The following CCDC141 variants were observed in gnomAD, a reference collection of about 807,000 sequenced individuals.
CCDC141 encodes coiled-coil domain-containing protein 141.
A neutral mutation model predicts 181.0 loss-of-function variants in CCDC141; 168 were observed. That is an observed-to-expected ratio of 0.93 (90% confidence interval 0.82 to 1.05). CCDC141 has a LOEUF of 1.05. Among genes scored for constraint, CCDC141 ranks in the 50% least tolerant of loss-of-function variants. The probability of loss-of-function intolerance (pLI) is 0.00; values close to 1 mark genes in which losing one functional copy is unlikely to be tolerated. For missense variants in CCDC141, 1,902 were observed against 1,788.5 expected, an observed-to-expected ratio of 1.06 and a Z score of -1.14; for synonymous variants, 666 against 642.3, an observed-to-expected ratio of 1.04 and a Z score of -0.56.
At chr2:179,014,848 T>C (rs1001919759) in intron 2 of CCDC141, among the ~76,000 whole-genome samples, 3 of 151,776 alleles carry the variant, frequency 2.0e-5, no homozygotes, top group African/African-American at 7.3e-5. Context: ...ACAACCACTA[T>C]GGAAAACAGT....
At chr2:179,002,573 A>G (rs2042015870) in intron 2 of CCDC141, 1 of 297,594 alleles carries the variant, frequency 3.4e-6, no homozygotes, top group Admixed American at 4.4e-5. Flanking sequence ...AACACACCCA[A>G]GATTCAGCAT....
At chr2:179,034,833 A>G (rs1426694303) in intron 2 of CCDC141, among the ~76,000 whole-genome samples, 3 of 152,186 alleles carry the variant, frequency 2.0e-5, no homozygotes, top group Non-Finnish European at 4.4e-5. Context: ...TTTACTGGAA[A>G]TGTATTTCTC....
At chr2:178,943,400 A>T (rs1293007250) in intron 6 of CCDC141, among the ~76,000 whole-genome samples, 1 of 152,192 alleles carries the variant, frequency 6.6e-6, no homozygotes, top group Non-Finnish European at 1.5e-5. Context: ...GAGTGTTCAA[A>T]CAGAAGCAAG....
rs779679443 is a variant in CCDC141 at position 178,856,301 on chromosome 2, T to G, written c.2821A>C (p.Lys941Gln). ...NEKSRNLKAL[K>Q]YQIQQVDMYA... is the part of the protein sequence containing the mutation. ...ATATCAACTTGCTGAATTTGATATTTAAGCGCCTTCAGATTCCGAGATTTT... is the reference window on the plus strand; with the variant it reads ...ATATCAACTTGCTGAATTTGATATTGAAGCGCCTTCAGATTCCGAGATTTT... Residue 941 changes from lysine to glutamine, a missense_variant, in exon 18 of 24, where the codon AAA becomes CAA. Lys to Gln is a moderately conservative substitution (Grantham distance 53, BLOSUM62 1). Transcript: ENST00000443758. 5.0e-6 allele frequency: 8 copies of G among 1,610,820 alleles called. No individual in the cohort carries two copies. The African/African-American group carries it at 1.1e-4, about 22-fold the overall frequency.
intron 22 of CCDC141, among the ~76,000 whole-genome samples, chr2:178,840,030 A>T (rs750364911): frequency 2.6e-5 from 4 of 152,194 alleles, no homozygotes; most frequent in Non-Finnish European, 5.9e-5. Context: ...ATATCTTCCT[A>T]TATGTAGCAA....
At chr2:179,041,347 G>A (rs753514029) in intron 2 of CCDC141, among the ~76,000 whole-genome samples, 8 of 151,784 alleles carry the variant, frequency 5.3e-5, no homozygotes, top group Middle Eastern at 3.4e-3. Flanking sequence ...GTATGAGATG[G>A]TATCTCATTG....
chr2:178,863,627 T>C (rs1685714872), intron 17 of CCDC141, among the ~76,000 whole-genome samples: 1 of 152,144 alleles, frequency 6.6e-6, no homozygotes, highest in Admixed American at 6.5e-5. Context: ...ACACGGAAAA[T>C]ATTCCTTCTG....
chr2:178,869,613 A>G (rs1686018597), intron 14 of CCDC141, among the ~76,000 whole-genome samples: 2 of 152,230 alleles, frequency 1.3e-5, no homozygotes, highest in East Asian at 1.9e-4. Flanking sequence ...TGTTAAGTAA[A>G]TGTATTTTAG....
chr2:178,865,675 G>T lies in CCDC141; in HGVS notation c.2724+92C>A. 9 of 1,173,098 alleles carry T rather than the reference G, an allele frequency of 7.7e-6. No individual in the cohort carries two copies. The South Asian group carries it at 2.3e-4, about 31-fold the overall frequency. The allele number at this position is 1,173,098 out of a possible 1,614,324, so 72.7% of individuals were successfully genotyped here. A position where few individuals can be genotyped will look rare whatever the true frequency, so the allele number is the denominator to read the frequency against. ...ATTCATTGTGTGTTTGCATGTGTGT[G>T]GGAGTGTGCACAAATGTGGACATTT... On this transcript the variant is annotated intron_variant, in intron 17 of 23. Transcript: ENST00000443758.
intron 2 of CCDC141, among the ~76,000 whole-genome samples, chr2:178,999,816 C>T (rs950391659): frequency 6.6e-6 from 1 of 152,058 alleles, no homozygotes; most frequent in African/African-American, 2.4e-5. Flanking sequence ...CTTCGCAACA[C>T]TATTCAGAAG....
intron 8 of CCDC141, among the ~76,000 whole-genome samples, chr2:178,894,591 C>T (rs968593663): frequency 6.6e-6 from 1 of 150,922 alleles, no homozygotes; most frequent in African/African-American, 2.4e-5. Flanking sequence ...ATTAGACACA[C>T]AAAAAAATTA....
intron 2 of CCDC141, among the ~76,000 whole-genome samples, chr2:178,990,575 G>A (rs911270830): frequency 2.4e-5 from 3 of 125,392 alleles, no homozygotes; most frequent in Non-Finnish European, 3.5e-5. Context: ...AAAGAGAAGG[G>A]GAGGGGAGTG....
At chr2:178,903,662 C>T (rs1445412665) in intron 8 of CCDC141, among the ~76,000 whole-genome samples, 1 of 150,380 alleles carries the variant, frequency 6.6e-6, no homozygotes, top group Admixed American at 6.6e-5. Flanking sequence ...TGCTAAATGA[C>T]GAGTTAATGG....
downstream of CCDC141, chr2:178,825,424 A>G (rs2154364765): frequency 6.6e-6 from 1 of 152,270 alleles, no homozygotes; most frequent in South Asian, 2.1e-4. Flanking sequence ...TATTTTGATC[A>G]TGTTATTATT....
intron 2 of CCDC141, among the ~76,000 whole-genome samples, chr2:179,032,112 C>T (rs1191093029): frequency 6.6e-6 from 1 of 152,046 alleles, no homozygotes; most frequent in Non-Finnish European, 1.5e-5. Flanking sequence ...AAATTTGTAC[C>T]CTGGAAACCC....
intron 4 of CCDC141, among the ~76,000 whole-genome samples, chr2:178,973,061 C>T (rs1221677725): frequency 1.3e-5 from 2 of 152,148 alleles, no homozygotes; most frequent in South Asian, 2.1e-4. Context: ...CACTTATAGA[C>T]ATATTTTATT....
rs901292962 is a variant in CCDC141 at position 178,840,751 on chromosome 2, G to A, written c.3475-3007C>T. ...AGCCATCCAGCTTTAACTGGTTCCT[G>A]ACTCCTGTATCTTACTTTCAGCTGG... On this transcript the variant is annotated intron_variant, in intron 22 of 23. Transcript: ENST00000443758. 3.3e-5 allele frequency among the ~76,000 whole-genome samples: 5 copies of A among 152,194 alleles called. No individual in the cohort carries two copies. In the South Asian group the frequency reaches 1.0e-3, roughly 32 times the overall value.
chr2:178,991,940 T>C (rs1298557215), intron 2 of CCDC141, among the ~76,000 whole-genome samples: 1 of 152,052 alleles, frequency 6.6e-6, no homozygotes, highest in African/African-American at 2.4e-5. Flanking sequence ...GAAAATTTTC[T>C]TTAAAATGTT....
chr2:178,888,336 A>T (rs1421979908), intron 9 of CCDC141, among the ~76,000 whole-genome samples, 191 bp downstream of exon 9: 1 of 152,158 alleles, frequency 6.6e-6, no homozygotes, highest in Non-Finnish European at 1.5e-5. Context: ...CAGACAGGCC[A>T]CCTGGGTCAG....
Sources: allele counts gnomAD v4.1 joint callset (sites outside exome capture counted in the v4.1 genomes callset), GRCh38; gene constraint gnomAD v4.1.1; transcripts MANE v1.5; gene names NCBI Gene and HGNC (gene_info 2026-07-23, HGNC 2026-07-21).